CNTN6: variants seen among roughly 807,000 people sequenced by gnomAD.
The protein encoded by CNTN6 is contactin 6, also known as contactin-6.
Under a neutral mutation model 122.8 loss-of-function variants are expected in CNTN6, and 137 were observed. The observed-to-expected ratio is 1.12, with a 90% CI of 0.97 to 1.29. CNTN6 has a LOEUF of 1.29. Ranked by LOEUF, CNTN6 falls within the 50% of genes most tolerant of loss-of-function variation. CNTN6 has a pLI of 0.00. For missense variants in CNTN6, 1,634 were observed against 1,223.4 expected (o/e 1.34, Z -5.01); for synonymous variants, 570 against 426.0 (o/e 1.34, Z -4.16).
intron 12 of CNTN6, among the ~76,000 whole-genome samples, chr3:1,353,037 A>G (rs1455618918): frequency 2.0e-5 from 3 of 151,780 alleles, no homozygotes; most frequent in Non-Finnish European, 4.4e-5. Context: ...TACTTTTAAG[A>G]TTTCTAAATC....
intron 7 of CNTN6, among the ~76,000 whole-genome samples, chr3:1,310,257 T>G (rs562384616): frequency 6.6e-6 from 1 of 152,318 alleles, no homozygotes; most frequent in East Asian, 1.9e-4. Flanking sequence ...TGCTACATTT[T>G]TTGGCAGACA....
rs1701478867 is a variant in CNTN6, at chr3:1,325,930, T to C, written c.1062T>C (p.Asn354=). The change falls in exon 9 of 23, where the codon AAT becomes AAC. Residue 354 remains asparagine, a synonymous_variant. Coordinates refer to ENST00000446702, the MANE Select transcript of CNTN6 (RefSeq NM_001289080.2). ...ACCCTTGGTATACATGGTTAAAAAATGGTGAACGACTCAACCCAGAGGTAA... is the reference window on the plus strand; with the variant it reads ...ACCCTTGGTATACATGGTTAAAAAACGGTGAACGACTCAACCCAGAGGTAA... The part of the protein sequence containing the change: ...KPNPWYTWLK[N]GERLNPEERI... The C allele has an allele frequency of 1.2e-6, 2 of 1,611,254 alleles. No individual in the cohort carries two copies. The highest frequency in any genetic ancestry group is 1.7e-6 in the Non-Finnish European group (2 of 1,178,382).
At chr3:1,348,157 C>CAAAA (rs532282828) in intron 11 of CNTN6, among the ~76,000 whole-genome samples, 2,920 of 64,230 alleles carry the variant, frequency 0.045, 166 homozygotes, top group Middle Eastern at 0.078. Context: ...ATGCTATAGA[C>CAAAA]AAAAAAAAAA....
chr3:1,360,074 A>T (rs1707230456), intron 12 of CNTN6, among the ~76,000 whole-genome samples: 2 of 152,102 alleles, frequency 1.3e-5, no homozygotes, highest in African/African-American at 4.8e-5. Flanking sequence ...GATTTTTGAG[A>T]AATAATCCAA....
rs374860595 is a variant in CNTN6, at chr3:1,154,108, T to C, written c.55+6045T>C. On this transcript the variant is annotated intron_variant, in intron 2 of 22. Coordinates refer to ENST00000446702, the MANE Select transcript of CNTN6 (RefSeq NM_001289080.2). ...ATGCAATGCTTACTGATAAAGGTGG[T>C]TATATGATTATCAAACCTTCTTCCA... is the stretch of plus-strand genomic sequence containing the variant. Among the ~76,000 whole-genome samples the C allele has an allele frequency of 5.3e-5, 8 of 152,290 alleles. No homozygotes were observed. In the East Asian group the frequency reaches 1.2e-3, roughly 22 times the overall value.
At chr3:1,144,109 A>G (rs184465577) in intron 1 of CNTN6, among the ~76,000 whole-genome samples, 113 of 152,320 alleles carry the variant, frequency 7.4e-4, no homozygotes, top group African/African-American at 2.6e-3. Flanking sequence ...TGAGCTCTGC[A>G]TTAGACACCA....
intron 5 of CNTN6, among the ~76,000 whole-genome samples, chr3:1,292,881 T>C (rs1695560542): frequency 6.6e-6 from 1 of 152,078 alleles, no homozygotes. Flanking sequence ...TTTTTAAATG[T>C]AAGAATTTGC....
intron 8 of CNTN6, among the ~76,000 whole-genome samples, chr3:1,325,275 T>G (rs1701371485): frequency 6.6e-6 from 1 of 151,856 alleles, no homozygotes; most frequent in African/African-American, 2.4e-5. Flanking sequence ...CACCATTCCT[T>G]GTCAAGAATT....
At position 1,377,077 on chromosome 3, in the gene CNTN6, T is replaced by C; in HGVS notation, c.2166+2T>C. On this transcript the variant is annotated splice_donor_variant, in intron 17 of 22. Coordinates refer to ENST00000446702, the MANE Select transcript of CNTN6 (RefSeq NM_001289080.2). LOFTEE classifies it high-confidence loss of function. Reference sequence around the variant, plus strand: ...TCTGAACTCGTCATTACGTGGGAGGTAATTTTCTGTCCAACTGAGTTATTT... The same window carrying C: ...TCTGAACTCGTCATTACGTGGGAGGCAATTTTCTGTCCAACTGAGTTATTT... 1 of 1,588,822 alleles carries C rather than the reference T, an allele frequency of 6.3e-7. No individual in the cohort carries two copies. Among genetic ancestry groups the C allele is most frequent in the Non-Finnish European group, 8.6e-7 (1 of 1,164,620 alleles).
At chr3:1,158,146 C>A (rs1444790962) in intron 2 of CNTN6, among the ~76,000 whole-genome samples, 1 of 152,168 alleles carries the variant, frequency 6.6e-6, no homozygotes, top group East Asian at 1.9e-4. Flanking sequence ...TACATTCTCA[C>A]CAATGGTGTA....
chr3:1,237,685 G>T (rs2094438507), intron 4 of CNTN6, among the ~76,000 whole-genome samples: 1 of 152,176 alleles, frequency 6.6e-6, no homozygotes, highest in African/African-American at 2.4e-5. Flanking sequence ...AAACCTATCA[G>T]ATTAACAGAA....
intron 12 of CNTN6, among the ~76,000 whole-genome samples, chr3:1,360,370 T>C (rs1707275068): frequency 6.6e-6 from 1 of 152,050 alleles, no homozygotes; most frequent in African/African-American, 2.4e-5. Flanking sequence ...ACACTGGGCA[T>C]TTGGCAGGCT....
At chr3:1,376,013 A>T (rs1164063410) in intron 16 of CNTN6, among the ~76,000 whole-genome samples, 1 of 152,100 alleles carries the variant, frequency 6.6e-6, no homozygotes, top group Non-Finnish European at 1.5e-5. Flanking sequence ...ATCCCCAGAC[A>T]TATCCAAGTG....
chr3:1,173,312 CA>C (rs1225616412), intron 2 of CNTN6: 2 of 456,560 alleles, frequency 4.4e-6, no homozygotes, highest in South Asian at 3.1e-5. Flanking sequence ...TGGCGGTTTG[CA>C]AAGAGGTGAG....
intron 12 of CNTN6, among the ~76,000 whole-genome samples, chr3:1,357,151 T>C (rs1438120160): frequency 1.3e-5 from 2 of 151,926 alleles, no homozygotes; most frequent in Non-Finnish European, 1.5e-5. Context: ...GTTTTACCAC[T>C]TTTTTCAAGA....
In CNTN6 at chr3:1,127,590, A is replaced by G. The variant is rs375782407; in HGVS notation, c.-82-20337A>G. ...ATTTGATTCAACCAACACAACCAGAAGAAGCCTGTGAAGTCAATAAACCAG... is the reference window on the plus strand; with the variant it reads ...ATTTGATTCAACCAACACAACCAGAGGAAGCCTGTGAAGTCAATAAACCAG... On this transcript the variant is annotated intron_variant, in intron 1 of 22. Coordinates refer to ENST00000446702, the MANE Select transcript of CNTN6 (RefSeq NM_001289080.2). Among the ~76,000 whole-genome samples, 280 of 152,056 alleles carry G rather than the reference A, an allele frequency of 1.8e-3. 2 individuals carry two copies. Among genetic ancestry groups the G allele is most frequent in the African/African-American group, 6.4e-3 (267 of 41,546 alleles).
chr3:1,316,349 A>G (rs1318195836), intron 7 of CNTN6, among the ~76,000 whole-genome samples: 1 of 151,894 alleles, frequency 6.6e-6, no homozygotes, highest in African/African-American at 2.4e-5. Context: ...ACTTACAATC[A>G]TGGTAGAAAG....
At chr3:1,271,190 A>G (rs539139951) in intron 4 of CNTN6, among the ~76,000 whole-genome samples, 1 of 152,324 alleles carries the variant, frequency 6.6e-6, no homozygotes, top group Admixed American at 6.5e-5. Flanking sequence ...GAAACACAGC[A>G]TCTGGAATTA....
At chr3:1,308,366 C>T (rs148380062) in intron 7 of CNTN6, among the ~76,000 whole-genome samples, 1,715 of 149,148 alleles carry the variant, frequency 0.011, 36 homozygotes, top group African/African-American at 0.04. Flanking sequence ...AAAGATGTTC[C>T]AGGTTCATCT....
Sources: gnomAD v4.1 joint callset for allele counts (sites outside exome capture counted in the v4.1 genomes callset) on GRCh38, gnomAD v4.1.1 for gene constraint, MANE v1.5 for transcripts, NCBI Gene and HGNC (gene_info 2026-07-23, HGNC 2026-07-21) for gene names.